Variants in GPC5 observed in about 807,000 individuals in gnomAD.
GPC5 encodes glypican-5.
Under a neutral mutation model 53.9 loss-of-function variants are expected in GPC5, and 47 were observed. The ratio of observed to expected loss-of-function variants is 0.87; its 90% CI spans 0.69 to 1.11. GPC5 has a LOEUF of 1.11. GPC5 is among the 50% of genes most tolerant of loss of function. The pLI is 0.00. For missense variants in GPC5, 748 were observed against 713.1 expected (o/e 1.05, Z -0.56); for synonymous variants, 286 against 263.3 (o/e 1.09, Z -0.84).
At chr13:92,021,190 C>T (rs1278685560) in intron 6 of GPC5, among the ~76,000 whole-genome samples, 2 of 152,090 alleles carry the variant, frequency 1.3e-5, no homozygotes, top group Non-Finnish European at 2.9e-5. Context: ...AGAGATATTA[C>T]CAGCATTGTT....
At chr13:91,489,161 T>G (rs1883788181) in intron 2 of GPC5, among the ~76,000 whole-genome samples, 1 of 152,222 alleles carries the variant, frequency 6.6e-6, no homozygotes, top group Non-Finnish European at 1.5e-5. Context: ...GATCTCACCC[T>G]GCCTCCATTT....
chr13:92,430,719 G>A (rs769116631), intron 7 of GPC5, among the ~76,000 whole-genome samples: 1 of 152,076 alleles, frequency 6.6e-6, no homozygotes, highest in African/African-American at 2.4e-5. Context: ...TGCTGAACGT[G>A]GCTAGTAAAT....
At chr13:92,030,561 C>T (rs1368688545) in intron 6 of GPC5, among the ~76,000 whole-genome samples, 5 of 152,142 alleles carry the variant, frequency 3.3e-5, no homozygotes, top group Non-Finnish European at 7.3e-5. Flanking sequence ...ATTTTGTCTC[C>T]TTTCCCTACA....
intron 7 of GPC5, chr13:92,180,944 G>T (rs56906091): frequency 0.036 from 5,555 of 153,442 alleles, 352 homozygotes; most frequent in African/African-American, 0.13. Flanking sequence ...AGAAAAAGGT[G>T]CGTGTAAAAT....
At chr13:92,115,771 A>C (rs2138934908) in intron 6 of GPC5, among the ~76,000 whole-genome samples, 1 of 152,318 alleles carries the variant, frequency 6.6e-6, no homozygotes, top group Non-Finnish European at 1.5e-5. Context: ...GAGGGCATTT[A>C]GGATTTTCCA....
chr13:92,762,677 T>C (rs1228619432), intron 7 of GPC5, among the ~76,000 whole-genome samples: 1 of 152,158 alleles, frequency 6.6e-6, no homozygotes, highest in Non-Finnish European at 1.5e-5. Context: ...TTTCCATCTT[T>C]GTCTCTTCTC....
In GPC5 at chr13:91,558,774, G is replaced by T. The variant is rs528190730; in HGVS notation, c.325+109852G>T. Among the ~76,000 whole-genome samples the T allele has an allele frequency of 2.6e-5, 4 of 152,134 alleles. No individual in the cohort carries two copies. The South Asian group carries it at 8.3e-4, about 32-fold the overall frequency. On this transcript the variant is annotated intron_variant, in intron 2 of 7. Transcript: ENST00000377067. ...AAGGTGGTTTTCTTCTCTTGTGCTA[G>T]ACTTTTTCATCATCCATGAAGGTCA...
intron 7 of GPC5, among the ~76,000 whole-genome samples, chr13:92,323,489 A>G (rs1594100300): frequency 6.6e-6 from 1 of 151,688 alleles, no homozygotes; most frequent in Non-Finnish European, 1.5e-5. Context: ...AAGAGCTGGC[A>G]TGCTTTAGGC....
intron 1 of GPC5, among the ~76,000 whole-genome samples, chr13:91,435,066 A>G (rs577104300): frequency 4.6e-5 from 7 of 152,322 alleles, no homozygotes; most frequent in African/African-American, 1.7e-4. Context: ...GAAGTTGCCT[A>G]TCAGCTTAAG....
intron 2 of GPC5, among the ~76,000 whole-genome samples, chr13:91,678,946 T>C (rs2035446157): frequency 6.6e-6 from 1 of 152,152 alleles, no homozygotes; most frequent in African/African-American, 2.4e-5. Context: ...AATCAAAGTG[T>C]ATTAGTTTAC....
chr13:92,310,661 C>G (rs1471291744), intron 7 of GPC5, among the ~76,000 whole-genome samples: 3 of 152,126 alleles, frequency 2.0e-5, no homozygotes, highest in Non-Finnish European at 2.9e-5. Context: ...ATAGGCCTTC[C>G]CAATTGTTTA....
At chr13:91,507,060 T>A (rs1884982125) in intron 2 of GPC5, among the ~76,000 whole-genome samples, 1 of 152,162 alleles carries the variant, frequency 6.6e-6, no homozygotes, top group Middle Eastern at 3.2e-3. Flanking sequence ...TATGTGTATA[T>A]ATCTTAGTTT....
chr13:92,459,225 C>G (rs1410734027), intron 7 of GPC5, among the ~76,000 whole-genome samples: 2 of 152,098 alleles, frequency 1.3e-5, no homozygotes, highest in Non-Finnish European at 2.9e-5. Flanking sequence ...TACACACTTG[C>G]ATAACTACCC....
At chr13:92,754,904 A>C (rs1874788898) in intron 7 of GPC5, among the ~76,000 whole-genome samples, 1 of 149,096 alleles carries the variant, frequency 6.7e-6, no homozygotes, top group African/African-American at 2.5e-5. Flanking sequence ...CCCCACTGTC[A>C]ACATTAGACA....
intron 2 of GPC5, among the ~76,000 whole-genome samples, chr13:91,569,946 A>G (rs1028912095): frequency 2.6e-5 from 4 of 152,168 alleles, no homozygotes; most frequent in East Asian, 1.9e-4. Context: ...ACCCATTCTC[A>G]TGTATTTTGT....
At chr13:92,249,973 T>G (rs1215818182) in intron 7 of GPC5, among the ~76,000 whole-genome samples, 2 of 152,026 alleles carry the variant, frequency 1.3e-5, no homozygotes, top group African/African-American at 4.8e-5. Context: ...ATTGCATACT[T>G]TAAACAAGTG....
At chr13:91,468,893 A>G (rs549777672) in intron 2 of GPC5, among the ~76,000 whole-genome samples, 4 of 69,254 alleles carry the variant, frequency 5.8e-5, no homozygotes, top group Admixed American at 5.5e-4. Flanking sequence ...TTTTTTTTTA[A>G]ATGAGACAGG....
intron 7 of GPC5, among the ~76,000 whole-genome samples, chr13:92,860,654 C>T (rs1879151452): frequency 6.6e-6 from 1 of 151,986 alleles, no homozygotes; most frequent in Admixed American, 6.6e-5. Context: ...AACTAGTGAC[C>T]AAAGTTAACA....
chr13:91,569,005 C>T (rs549727558), intron 2 of GPC5, among the ~76,000 whole-genome samples: 3 of 152,206 alleles, frequency 2.0e-5, no homozygotes, highest in East Asian at 3.9e-4. Flanking sequence ...CCTGCCTCAG[C>T]CTCTCAAAGT....
Sources: allele counts gnomAD v4.1 joint callset (sites outside exome capture counted in the v4.1 genomes callset), GRCh38; gene constraint gnomAD v4.1.1; transcripts MANE v1.5; gene names NCBI Gene and HGNC (gene_info 2026-07-23, HGNC 2026-07-21).